Variants in KIF21A observed in about 807,000 individuals in gnomAD.
KIF21A encodes the protein kinesin-like protein KIF21A.
Under a neutral mutation model 202.9 loss-of-function variants are expected in KIF21A, and 114 were observed. The observed-to-expected ratio is 0.56, with a 90% confidence interval of 0.48 to 0.66. The LOEUF (loss-of-function observed/expected upper bound fraction) is 0.66, where lower values mean the gene tolerates loss of function less well. Ranked by LOEUF, KIF21A falls within the 30% of genes least tolerant of loss-of-function variation. The probability of loss-of-function intolerance (pLI) is 0.00; values close to 1 mark genes in which losing one functional copy is unlikely to be tolerated. For synonymous variants in KIF21A, 667 were observed against 670.8 expected, an observed-to-expected ratio of 0.99 and a Z score of 0.09; for missense variants, 1,677 against 1,994.9, an observed-to-expected ratio of 0.84 and a Z score of 3.04.
rs138497084 is a variant in KIF21A, at chr12:39,420,879, T to C, written c.44+22048A>G. On this transcript the variant is annotated intron_variant, in intron 1 of 37. Transcript: ENST00000361418. ...TTCAACCCACCCAACAAACCAGTTA[T>C]ACAGTCTTCAGGAATCAGGTTTGAA... 1.5e-4 allele frequency among the ~76,000 whole-genome samples: 23 copies of C among 152,032 alleles called. No homozygotes were observed. The South Asian group carries it at 4.6e-3, about 30-fold the overall frequency.
At chr12:39,363,361 T>G (rs889517462) in intron 6 of KIF21A, 148 bp from the exon 7 acceptor site, 1 of 589,200 alleles carries the variant, frequency 1.7e-6, no homozygotes, top group Non-Finnish European at 3.0e-6. Context: ...TTGTAACCAA[T>G]GTCACTGAAA....
chr12:39,405,430 A>T (rs1382643172), intron 1 of KIF21A, among the ~76,000 whole-genome samples: 1 of 152,176 alleles, frequency 6.6e-6, no homozygotes, highest in African/African-American at 2.4e-5. Context: ...CTAGAAAAAT[A>T]AATGCAATTT....
intron 17 of KIF21A, among the ~76,000 whole-genome samples, chr12:39,335,214 C>T (rs1033203054): frequency 1.3e-5 from 2 of 151,916 alleles, no homozygotes; most frequent in Non-Finnish European, 2.9e-5. Flanking sequence ...GAGTTTGACA[C>T]CAGCCTGGCC....
At chr12:39,408,710 A>G (rs1378679032) in intron 1 of KIF21A, among the ~76,000 whole-genome samples, 1 of 152,192 alleles carries the variant, frequency 6.6e-6, no homozygotes, top group Admixed American at 6.5e-5. Context: ...AGAAGAGAAC[A>G]GAGCATAAGG....
chr12:39,406,651 CA>C (rs1383901219), intron 1 of KIF21A, among the ~76,000 whole-genome samples: 1 of 152,180 alleles, frequency 6.6e-6, no homozygotes, highest in African/African-American at 2.4e-5. Flanking sequence ...TTAAGCTTTT[CA>C]AGGGAAGGAC....
intron 16 of KIF21A, among the ~76,000 whole-genome samples, chr12:39,338,452 A>T (rs1453704031): frequency 6.6e-6 from 1 of 152,198 alleles, no homozygotes; most frequent in Non-Finnish European, 1.5e-5. Flanking sequence ...GAGAGTTTTT[A>T]AAATAAATTT....
intron 1 of KIF21A, among the ~76,000 whole-genome samples, chr12:39,433,013 A>G (rs1938171218): frequency 6.6e-6 from 1 of 152,362 alleles, no homozygotes; most frequent in South Asian, 2.1e-4. Flanking sequence ...CTGTAGGTAC[A>G]CATATTAAAA....
chr12:39,358,073 A>G, intron 8 of KIF21A, 105 bp downstream of exon 8: 1 of 995,074 alleles, frequency 1.0e-6, no homozygotes, highest in Non-Finnish European at 1.6e-6. Flanking sequence ...CACTATTATG[A>G]CAACCAAGAG....
At chr12:39,409,650 T>C (rs548052484) in intron 1 of KIF21A, among the ~76,000 whole-genome samples, 81 of 152,168 alleles carry the variant, frequency 5.3e-4, no homozygotes, top group African/African-American at 1.8e-3. Context: ...CATGCCCTGA[T>C]ACCTGGAGCC....
At chr12:39,315,656 T>C (rs1251722502) in intron 30 of KIF21A, among the ~76,000 whole-genome samples, 1 of 151,978 alleles carries the variant, frequency 6.6e-6, no homozygotes, top group Admixed American at 6.6e-5. Flanking sequence ...TCAATATTCA[T>C]AAAACTTGAT....
intron 7 of KIF21A, 36 bp downstream of exon 7, chr12:39,363,062 C>A: frequency 1.6e-6 from 2 of 1,274,496 alleles, no homozygotes; most frequent in South Asian, 2.4e-5. Flanking sequence ...AATGAATAAT[C>A]AAAAGTCTGA....
chr12:39,367,235 G>A lies in KIF21A; in HGVS notation c.601-71C>T. 2.0e-6 allele frequency: 3 copies of A among 1,532,968 alleles called. 1 individual carries two copies. The highest frequency in any genetic ancestry group is 2.7e-6 in the Non-Finnish European group (3 of 1,108,406). The allele number at this position is 1,532,968 out of a possible 1,614,324, so 95.0% of individuals were successfully genotyped here. ...GATACTATACAATCCAAAGTCTGAGGTAATGGCTAAAACCCACCATGTTAA... is the reference window on the plus strand; with the variant it reads ...GATACTATACAATCCAAAGTCTGAGATAATGGCTAAAACCCACCATGTTAA... On this transcript the variant is annotated intron_variant, in intron 4 of 37. Transcript: ENST00000361418.
At chr12:39,363,365 A>G in intron 6 of KIF21A, 152 bp from the exon 7 acceptor site, 1 of 585,458 alleles carries the variant, frequency 1.7e-6, no homozygotes, top group Non-Finnish European at 3.0e-6. Context: ...AACCAATGTC[A>G]CTGAAAATTT....
intron 1 of KIF21A, among the ~76,000 whole-genome samples, chr12:39,424,952 T>G (rs1031588996): frequency 3.9e-5 from 6 of 152,152 alleles, no homozygotes; most frequent in Non-Finnish European, 7.4e-5. Context: ...ATAAGGCCCT[T>G]AATGATCTTA....
chr12:39,341,899 A>ATGTT, intron 13 of KIF21A, 135 bp downstream of exon 13: 1 of 726,438 alleles, frequency 1.4e-6, no homozygotes, highest in Non-Finnish European at 2.4e-6. Flanking sequence ...CTGAAGAAAC[A>ATGTT]TCTTCAAAGA....
chr12:39,385,409 A>G (rs1052878403), intron 1 of KIF21A, among the ~76,000 whole-genome samples: 2 of 152,156 alleles, frequency 1.3e-5, no homozygotes, highest in African/African-American at 4.8e-5. Flanking sequence ...TATAAGCCCA[A>G]CTACCCAAAT....
At chr12:39,351,686 T>C (rs1343462492) in intron 11 of KIF21A, 91 bp downstream of exon 11, 2 of 751,374 alleles carry the variant, frequency 2.7e-6, no homozygotes, top group South Asian at 1.6e-5. Context: ...ACTAAGGTAC[T>C]CATGAGACTA....
In KIF21A at chr12:39,391,149, A is replaced by G. The variant is rs1483874143; in HGVS notation, c.45-20888T>C. Among the ~76,000 whole-genome samples the G allele has an allele frequency of 2.0e-5, 3 of 152,192 alleles. No individual in the cohort carries two copies. The East Asian group carries it at 5.8e-4, about 29-fold the overall frequency. On this transcript the variant is annotated intron_variant, in intron 1 of 37. Coordinates refer to ENST00000361418, the MANE Select transcript of KIF21A (RefSeq NM_001173464.2). ...TCACTGAAACACAACATAAATCTGGAAAGACGAGTATCCTGTGCTGTGCAA... is the reference window on the plus strand; with the variant it reads ...TCACTGAAACACAACATAAATCTGGGAAGACGAGTATCCTGTGCTGTGCAA...
chr12:39,366,606 T>C (rs1231530523), intron 5 of KIF21A, 89 bp from the exon 6 acceptor site: 3 of 921,908 alleles, frequency 3.3e-6, no homozygotes, highest in Non-Finnish European at 5.0e-6. Context: ...CATGTACACA[T>C]ATAGGCACAA....
Sources: allele counts gnomAD v4.1 joint callset (sites outside exome capture counted in the v4.1 genomes callset), GRCh38; gene constraint gnomAD v4.1.1; transcripts MANE v1.5; gene names NCBI Gene and HGNC (gene_info 2026-07-23, HGNC 2026-07-21).